The following GMDS variants were observed in gnomAD, a reference collection of about 807,000 sequenced individuals.
The protein encoded by GMDS is GDP-mannose 4,6-dehydratase.
GMDS carries 20 observed loss-of-function variants against 49.9 expected under a neutral mutation model. The observed-to-expected ratio is 0.40, with a 90% confidence interval of 0.28 to 0.58. GMDS has a LOEUF of 0.58. Ranked by LOEUF, GMDS falls within the 20% of genes least tolerant of loss-of-function variation. The pLI is 0.42. For synonymous variants in GMDS, 177 were observed against 178.6 expected (o/e 0.99, Z 0.07); for missense variants, 362 against 481.4 (o/e 0.75, Z 2.32).
chr6:2,216,896 C>T (rs1015067981), intron 1 of GMDS, among the ~76,000 whole-genome samples: 3 of 152,202 alleles, frequency 2.0e-5, no homozygotes, highest in Non-Finnish European at 4.4e-5. Flanking sequence ...AACCCCTTTT[C>T]GCAGCCAACT....
Position 2,187,748 on chromosome 6 carries a change from G to T in GMDS, c.102+57573C>A, listed in dbSNP as rs145802244. ...CTTTCTTTTACTGCAACAGACAATA[G>T]AAAAATAGCATCCACATTAGGAGAA... On this transcript the variant is annotated intron_variant, in intron 1 of 10. Transcript: ENST00000380815. Among the ~76,000 whole-genome samples, 878 of 152,224 alleles carry T rather than the reference G, an allele frequency of 5.8e-3. 2 individuals are homozygous for T. Among genetic ancestry groups the T allele is most frequent in the Middle Eastern group, 0.017 (5 of 294 alleles).
intron 9 of GMDS, among the ~76,000 whole-genome samples, chr6:1,696,992 T>G (rs1437837595): frequency 6.6e-6 from 1 of 152,210 alleles, no homozygotes; most frequent in South Asian, 2.1e-4. Context: ...ATTAGCTGAT[T>G]GGGCTGCAGT....
chr6:2,186,615 G>T lies in GMDS; in HGVS notation c.102+58706C>A, dbSNP rs1778790921. Among the ~76,000 whole-genome samples the T allele has an allele frequency of 5.9e-5, 9 of 152,268 alleles. No homozygotes were observed. In the South Asian group the frequency reaches 1.9e-3, roughly 32 times the overall value. ...CCCTTCCAGCTGCCTTCAAGCATTT[G>T]CTCTAATACACACTGAAGACCATTG... On this transcript the variant is annotated intron_variant, in intron 1 of 10. Coordinates refer to ENST00000380815, the MANE Select transcript of GMDS (RefSeq NM_001500.4).
At chr6:2,052,571 T>TA (rs1181532800) in intron 4 of GMDS, among the ~76,000 whole-genome samples, 2 of 152,218 alleles carry the variant, frequency 1.3e-5, no homozygotes, top group South Asian at 2.1e-4. Flanking sequence ...GTCTCCACCT[T>TA]ACATTCCTTC....
At chr6:1,923,052 C>G (rs531027554) in intron 7 of GMDS, among the ~76,000 whole-genome samples, 1 of 152,336 alleles carries the variant, frequency 6.6e-6, no homozygotes, top group African/African-American at 2.4e-5. Flanking sequence ...TCTCTCTCTT[C>G]CCTGCTGCCA....
chr6:1,823,573 C>A (rs1034750812), intron 7 of GMDS, among the ~76,000 whole-genome samples: 1 of 152,162 alleles, frequency 6.6e-6, no homozygotes, highest in Non-Finnish European at 1.5e-5. Context: ...TCCTACCCCC[C>A]ACCACTGCCC....
chr6:1,834,322 T>A (rs1323039562), intron 7 of GMDS, among the ~76,000 whole-genome samples: 4 of 152,222 alleles, frequency 2.6e-5, no homozygotes, highest in African/African-American at 7.2e-5. Flanking sequence ...AATTTCCATC[T>A]GGTAGAACAG....
rs187462454 is a variant in GMDS at position 2,053,540 on chromosome 6, A to G, written c.345+62231T>C. Among the ~76,000 whole-genome samples, 377 of 152,136 alleles carry G rather than the reference A, an allele frequency of 2.5e-3. 1 individual carries two copies. Among genetic ancestry groups the G allele is most frequent in the African/African-American group, 8.8e-3 (365 of 41,556 alleles). ...AAGAAATTAAATTTTTACATTTTTC[A>G]TTATTTTCCACATTGAAACCTACAC... On this transcript the variant is annotated intron_variant, in intron 4 of 10. Coordinates refer to ENST00000380815, the MANE Select transcript of GMDS (RefSeq NM_001500.4).
chr6:1,627,426 A>T (rs938011176), intron 9 of GMDS, among the ~76,000 whole-genome samples: 2 of 152,170 alleles, frequency 1.3e-5, no homozygotes, highest in African/African-American at 4.8e-5. Context: ...GGTGGTGGCA[A>T]ATGCTCATAC....
chr6:2,015,122 C>A (rs895465959), intron 4 of GMDS, among the ~76,000 whole-genome samples: 9 of 152,222 alleles, frequency 5.9e-5, no homozygotes, highest in Admixed American at 3.3e-4. Context: ...CTATACACCT[C>A]CCTCTATCAG....
chr6:1,966,566 TCA>T (rs1764270459), intron 4 of GMDS, among the ~76,000 whole-genome samples: 1 of 152,166 alleles, frequency 6.6e-6, no homozygotes, highest in Non-Finnish European at 1.5e-5. Flanking sequence ...AGCCCTGGGC[TCA>T]GTGCTGAGGG....
chr6:1,926,060 C>T (rs530698868), intron 7 of GMDS, among the ~76,000 whole-genome samples: 52 of 152,140 alleles, frequency 3.4e-4, no homozygotes, highest in Non-Finnish European at 5.9e-4. Flanking sequence ...AGACCCGACT[C>T]CAGGGGAAAA....
At chr6:1,962,888 T>C (rs1212871614) in intron 4 of GMDS, among the ~76,000 whole-genome samples, 1 of 151,220 alleles carries the variant, frequency 6.6e-6, no homozygotes, top group Non-Finnish European at 1.5e-5. Context: ...TTCTTTTTTT[T>C]TTTTTTAAGA....
intron 7 of GMDS, among the ~76,000 whole-genome samples, chr6:1,805,428 T>A (rs1386914656): frequency 6.6e-6 from 1 of 152,178 alleles, no homozygotes; most frequent in Non-Finnish European, 1.5e-5. Flanking sequence ...ACCATAAGCA[T>A]TCTAACAGTA....
rs188577710 is a variant in GMDS, at chr6:2,087,185, C to A, written c.345+28586G>T. Reference sequence around the variant, plus strand: ...CTTTGGGGATCCTCAGAAGTTCTGACAGGATAGATTAGATGGACAAGGAAA... The same window carrying A: ...CTTTGGGGATCCTCAGAAGTTCTGAAAGGATAGATTAGATGGACAAGGAAA... On this transcript the variant is annotated intron_variant, in intron 4 of 10. Transcript: ENST00000380815. 3.5e-4 allele frequency among the ~76,000 whole-genome samples: 53 copies of A among 152,226 alleles called. 1 individual carries two copies. The highest frequency in any genetic ancestry group is 2.3e-3 in the Admixed American group (35 of 15,294).
intron 1 of GMDS, among the ~76,000 whole-genome samples, chr6:2,232,127 T>A (rs924485604): frequency 6.7e-6 from 1 of 148,300 alleles, no homozygotes; most frequent in African/African-American, 2.6e-5. Context: ...TGGGAGCATG[T>A]TCTTCTTACA....
In GMDS at chr6:1,675,007, G is replaced by A. The variant is rs183981816; in HGVS notation, c.988-50467C>T. On this transcript the variant is annotated intron_variant, in intron 9 of 10. Coordinates refer to ENST00000380815, the MANE Select transcript of GMDS (RefSeq NM_001500.4). ...GGCTGGAGTGCAATGATGCGATCTC[G>A]GCTCACTGCAACCTCCACCTCCCAG... is the stretch of plus-strand genomic sequence containing the variant. Among the ~76,000 whole-genome samples, 1,004 of 151,782 alleles carry A rather than the reference G, an allele frequency of 6.6e-3. 51 individuals carry two copies. Among genetic ancestry groups the A allele is most frequent in the Admixed American group, 0.06 (914 of 15,244 alleles).
intron 1 of GMDS, among the ~76,000 whole-genome samples, chr6:2,212,728 A>C (rs1170223973): frequency 4.0e-5 from 6 of 148,404 alleles, no homozygotes; most frequent in Non-Finnish European, 6.0e-5. Flanking sequence ...AAAAAAAAAA[A>C]ACTAAATTAG....
At chr6:1,729,282 A>G (rs768622905) in intron 8 of GMDS, among the ~76,000 whole-genome samples, 3 of 152,196 alleles carry the variant, frequency 2.0e-5, no homozygotes, top group Non-Finnish European at 4.4e-5. Context: ...TGAAAGTCAG[A>G]CTTGGGTCTG....
Sources: allele counts gnomAD v4.1 joint callset (sites outside exome capture counted in the v4.1 genomes callset), GRCh38; gene constraint gnomAD v4.1.1; transcripts MANE v1.5; gene names NCBI Gene and HGNC (gene_info 2026-07-23, HGNC 2026-07-21).